CCDC171: variants seen among roughly 807,000 people sequenced by gnomAD.
The protein encoded by CCDC171 is coiled-coil domain-containing protein 171.
In CCDC171, 177 loss-of-function variants were observed where a neutral mutation model predicts 168.2. The observed-to-expected ratio is 1.05, with a 90% confidence interval of 0.93 to 1.19. The LOEUF (loss-of-function observed/expected upper bound fraction) is 1.19, where lower values mean the gene tolerates loss of function less well. Among genes scored for constraint, CCDC171 ranks in the 50% most tolerant of loss-of-function variants. CCDC171 has a pLI of 0.00. For missense variants in CCDC171, 1,991 were observed against 1,539.0 expected (o/e 1.29, Z -4.91); for synonymous variants, 687 against 540.8 (o/e 1.27, Z -3.75).
chr9:15,902,809 CTGGAAAAT>C (rs1821906516), intron 24 of CCDC171, among the ~76,000 whole-genome samples: 1 of 152,110 alleles, frequency 6.6e-6, no homozygotes, highest in Non-Finnish European at 1.5e-5. Context: ...CGGACGGCAC[CTGGAAAAT>C]TGGGTCACTC....
intron 3 of CCDC171, among the ~76,000 whole-genome samples, chr9:15,980,743 T>G (rs1224083660): frequency 4.1e-5 from 5 of 123,370 alleles, no homozygotes; most frequent in Admixed American, 1.5e-4. Context: ...GCTCATTTGG[T>G]TTTTTTTTTT....
At chr9:15,773,644 G>A (rs1030939315) in intron 18 of CCDC171, among the ~76,000 whole-genome samples, 3 of 151,870 alleles carry the variant, frequency 2.0e-5, no homozygotes, top group African/African-American at 7.2e-5. Context: ...CTTTAGTGAC[G>A]TTTTTCCTCT....
At chr9:15,848,421 T>C (rs1381772723) in intron 22 of CCDC171, among the ~76,000 whole-genome samples, 1 of 151,880 alleles carries the variant, frequency 6.6e-6, no homozygotes, top group Non-Finnish European at 1.5e-5. Flanking sequence ...GTAATTATTA[T>C]AGCATAAAAA....
At chr9:15,800,427 T>C (rs2058765718) in intron 21 of CCDC171, among the ~76,000 whole-genome samples, 1 of 152,160 alleles carries the variant, frequency 6.6e-6, no homozygotes, top group African/African-American at 2.4e-5. Context: ...AAAATGTCAA[T>C]TTAATCTTTT....
In CCDC171 at chr9:16,028,306, G is replaced by C. The variant is rs180718636; in HGVS notation, n.998+5398G>C. On this transcript the variant is annotated intron_variant and non_coding_transcript_variant, in intron 6 of 9. Transcript: ENST00000486641. The stretch of plus-strand genomic sequence containing the variant: ...TCCCAGAAGAATGATTTGGAGTAGT[G>C]GGGAGAATGGATGTCTGGTTAGCAG... 4.3e-3 allele frequency among the ~76,000 whole-genome samples: 656 copies of C among 152,278 alleles called. 3 individuals are homozygous for C. The highest frequency in any genetic ancestry group is 0.015 in the African/African-American group (629 of 41,556).
chr9:15,878,745 A>G (rs1427234166), intron 24 of CCDC171, among the ~76,000 whole-genome samples: 1 of 152,188 alleles, frequency 6.6e-6, no homozygotes, highest in East Asian at 1.9e-4. Flanking sequence ...CATCCATGGT[A>G]GAATGGATAA....
chr9:16,017,267 A>G (rs1833049604), intron 3 of CCDC171, among the ~76,000 whole-genome samples: 1 of 152,080 alleles, frequency 6.6e-6, no homozygotes, highest in South Asian at 2.1e-4. Context: ...TTTTCTTTGC[A>G]TGTTTACATG....
chr9:15,760,622 C>T (rs2056391336), intron 18 of CCDC171, among the ~76,000 whole-genome samples: 1 of 152,134 alleles, frequency 6.6e-6, no homozygotes, highest in Non-Finnish European at 1.5e-5. Flanking sequence ...TGTAAATATT[C>T]ATTGTTTTAT....
At chr9:15,950,739 C>T (rs963571990) in intron 25 of CCDC171, among the ~76,000 whole-genome samples, 2 of 151,502 alleles carry the variant, frequency 1.3e-5, no homozygotes, top group Admixed American at 1.3e-4. Flanking sequence ...AACCAGCTAA[C>T]ATCATAATGA....
At chr9:16,023,152 G>C (rs1041591402) in intron 6 of CCDC171, among the ~76,000 whole-genome samples, 5 of 151,878 alleles carry the variant, frequency 3.3e-5, no homozygotes, top group African/African-American at 1.2e-4. Flanking sequence ...GGAGTGCAGT[G>C]GCGCGATCGG....
At chr9:15,909,112 C>G (rs1210232864) in intron 24 of CCDC171, among the ~76,000 whole-genome samples, 3 of 152,028 alleles carry the variant, frequency 2.0e-5, no homozygotes, top group Admixed American at 1.3e-4. Flanking sequence ...AAAGCTTATC[C>G]AATCATATTT....
chr9:15,818,807 G>A (rs190919779), intron 21 of CCDC171, among the ~76,000 whole-genome samples: 2,409 of 117,000 alleles, frequency 0.021, 695 homozygotes, highest in African/African-American at 0.074. Flanking sequence ...AATCTAGCAA[G>A]GCAGGCCAAC....
intron 9 of CCDC171, among the ~76,000 whole-genome samples, chr9:15,673,172 G>C (rs1338046840): frequency 6.6e-6 from 1 of 152,168 alleles, no homozygotes; most frequent in Admixed American, 6.5e-5. Context: ...TGGTGTATAA[G>C]AATGCTTGTG....
At chr9:15,595,652 G>A (rs1194879662) in intron 6 of CCDC171, among the ~76,000 whole-genome samples, 1 of 152,032 alleles carries the variant, frequency 6.6e-6, no homozygotes, top group Non-Finnish European at 1.5e-5. Context: ...ATAATCCTTT[G>A]GTATATACCC....
intron 23 of CCDC171, among the ~76,000 whole-genome samples, chr9:15,872,194 A>T (rs1467601125): frequency 6.6e-6 from 1 of 152,042 alleles, no homozygotes; most frequent in Non-Finnish European, 1.5e-5. Flanking sequence ...GATGTTCATC[A>T]TTAGGTGTAG....
intron 23 of CCDC171, among the ~76,000 whole-genome samples, chr9:15,862,211 CT>C (rs2061590233): frequency 6.6e-6 from 1 of 151,380 alleles, no homozygotes; most frequent in African/African-American, 2.4e-5. Flanking sequence ...TAAAAATTCT[CT>C]TTTTTTGAAT....
intron 6 of CCDC171, among the ~76,000 whole-genome samples, chr9:15,615,968 T>C (rs1342686710): frequency 2.0e-5 from 3 of 152,110 alleles, no homozygotes; most frequent in Admixed American, 1.3e-4. Context: ...TTTATTATTT[T>C]GAGATGGAGT....
chr9:15,830,238 G>A (rs1295479107), intron 21 of CCDC171, among the ~76,000 whole-genome samples: 1 of 152,102 alleles, frequency 6.6e-6, no homozygotes, highest in East Asian at 1.9e-4. Context: ...TATGGTGGTG[G>A]AAACTTGTAG....
chr9:15,852,484 CTTA>C (rs1157388946), intron 23 of CCDC171, among the ~76,000 whole-genome samples: 1 of 151,582 alleles, frequency 6.6e-6, no homozygotes, highest in Non-Finnish European at 1.5e-5. Flanking sequence ...ATACTAGAAT[CTTA>C]TTATATATAT....
Sources: allele counts gnomAD v4.1 joint callset (sites outside exome capture counted in the v4.1 genomes callset), GRCh38; gene constraint gnomAD v4.1.1; transcripts MANE v1.5; gene names NCBI Gene and HGNC (gene_info 2026-07-23, HGNC 2026-07-21).